Variants in MACROD2 observed in about 807,000 individuals in gnomAD.
MACROD2 encodes the protein mono-ADP ribosylhydrolase 2, also known as ADP-ribose glycohydrolase MACROD2.
A neutral mutation model predicts 70.4 loss-of-function variants in MACROD2; 36 were observed. The observed-to-expected ratio is 0.51, with a 90% CI of 0.39 to 0.68. The LOEUF (loss-of-function observed/expected upper bound fraction) is 0.68. Among genes scored for constraint, MACROD2 ranks in the 30% least tolerant of loss-of-function variants. MACROD2 has a pLI of 0.00. For synonymous variants in MACROD2, 172 were observed against 178.8 expected (o/e 0.96, Z 0.30); for missense variants, 496 against 538.4 (o/e 0.92, Z 0.78).
chr20:14,452,861 C>A (rs891512535), intron 3 of MACROD2, among the ~76,000 whole-genome samples: 2 of 152,096 alleles, frequency 1.3e-5, no homozygotes, highest in African/African-American at 4.8e-5. Flanking sequence ...TTTCTTGATG[C>A]ACATCTTACA....
At chr20:15,816,110 C>T (rs894579380) in intron 8 of MACROD2, among the ~76,000 whole-genome samples, 1 of 151,926 alleles carries the variant, frequency 6.6e-6, no homozygotes, top group African/African-American at 2.4e-5. Context: ...ACATATACAT[C>T]ACATATATGA....
intron 5 of MACROD2, among the ~76,000 whole-genome samples, chr20:14,759,035 G>A (rs2071980655): frequency 6.6e-6 from 1 of 151,852 alleles, no homozygotes; most frequent in Non-Finnish European, 1.5e-5. Flanking sequence ...ATTGTACCTT[G>A]CTTAATTATA....
chr20:15,721,576 A>T (rs2050787751), intron 8 of MACROD2, among the ~76,000 whole-genome samples: 2 of 152,176 alleles, frequency 1.3e-5, no homozygotes, highest in African/African-American at 4.8e-5. Context: ...TAACATTTTG[A>T]TTGATTTATT....
chr20:15,904,680 C>G (rs2065117084), intron 10 of MACROD2, among the ~76,000 whole-genome samples: 1 of 151,778 alleles, frequency 6.6e-6, no homozygotes, highest in South Asian at 2.1e-4. Flanking sequence ...ATCACGAGGT[C>G]AGGAGATCGA....
At chr20:15,923,420 C>T (rs972820286) in intron 10 of MACROD2, among the ~76,000 whole-genome samples, 6 of 152,160 alleles carry the variant, frequency 3.9e-5, no homozygotes, top group African/African-American at 1.4e-4. Flanking sequence ...ATTCAATTAC[C>T]TCCCTGGGTC....
intron 5 of MACROD2, among the ~76,000 whole-genome samples, chr20:15,102,611 A>G (rs918082833): frequency 1.3e-5 from 2 of 152,064 alleles, no homozygotes; most frequent in Non-Finnish European, 2.9e-5. Context: ...TTGTAAAACA[A>G]TATTTTCCAA....
At chr20:14,264,014 CACACACACACACAA>C (rs1225528419) in intron 3 of MACROD2, among the ~76,000 whole-genome samples, 3 of 123,718 alleles carry the variant, frequency 2.4e-5, no homozygotes, top group Admixed American at 2.4e-4. Flanking sequence ...CACACACACA[CACACACACACACAA>C]CACAAGTGAA....
chr20:14,332,465 A>T (rs2122617262), intron 3 of MACROD2, among the ~76,000 whole-genome samples: 1 of 152,250 alleles, frequency 6.6e-6, no homozygotes, highest in African/African-American at 2.4e-5. Flanking sequence ...TTTTGAGAAT[A>T]TTACTTAGAT....
At chr20:14,900,427 C>G (rs1445347143) in intron 5 of MACROD2, among the ~76,000 whole-genome samples, 1 of 152,040 alleles carries the variant, frequency 6.6e-6, no homozygotes, top group Non-Finnish European at 1.5e-5. Context: ...CCAGTAGAAA[C>G]CATTTAGGTC....
chr20:14,730,421 G>A (rs1019462625), intron 5 of MACROD2, among the ~76,000 whole-genome samples: 1 of 152,192 alleles, frequency 6.6e-6, no homozygotes, highest in African/African-American at 2.4e-5. Flanking sequence ...ACCAACAACC[G>A]TTATTAGACT....
chr20:14,014,911 C>T (rs533895945), intron 2 of MACROD2, among the ~76,000 whole-genome samples: 1 of 152,044 alleles, frequency 6.6e-6, no homozygotes, highest in Non-Finnish European at 1.5e-5. Flanking sequence ...ATCAATTCTC[C>T]TACCTCAGCC....
At chr20:14,795,198 A>G (rs2072496526) in intron 5 of MACROD2, among the ~76,000 whole-genome samples, 1 of 152,154 alleles carries the variant, frequency 6.6e-6, no homozygotes, top group Non-Finnish European at 1.5e-5. Flanking sequence ...CCAAAATGGG[A>G]AACCATGGAA....
intron 12 of MACROD2, among the ~76,000 whole-genome samples, chr20:15,951,352 A>ACACACACACAC (rs1414285468): frequency 4.6e-4 from 42 of 91,948 alleles, no homozygotes; most frequent in Admixed American, 1.5e-3. Context: ...CACACACACA[A>ACACACACACAC]AGAGAGAGAG....
intron 10 of MACROD2, among the ~76,000 whole-genome samples, chr20:15,912,609 A>C (rs1601117433): frequency 6.6e-6 from 1 of 152,184 alleles, no homozygotes; most frequent in East Asian, 1.9e-4. Flanking sequence ...ACAGGTTTGA[A>C]ACAGTCTAGC....
chr20:14,815,166 C>T (rs563297354), intron 5 of MACROD2, among the ~76,000 whole-genome samples: 2 of 151,982 alleles, frequency 1.3e-5, no homozygotes, highest in East Asian at 3.9e-4. Context: ...CAATAACATA[C>T]TTTAAATAAT....
At chr20:14,314,986 G>GCAAAAACT (rs2082600853) in intron 3 of MACROD2, among the ~76,000 whole-genome samples, 3 of 151,946 alleles carry the variant, frequency 2.0e-5, no homozygotes, top group Non-Finnish European at 4.4e-5. Flanking sequence ...AGCAAACCTA[G>GCAAAAACT]GTCTGTCTAA....
At chr20:15,219,918 T>C (rs184516184) in intron 5 of MACROD2, among the ~76,000 whole-genome samples, 15 of 137,856 alleles carry the variant, frequency 1.1e-4, no homozygotes, top group African/African-American at 3.9e-4. Flanking sequence ...ATGAGGGAAA[T>C]GACAGGTTTA....
chr20:15,138,743 CA>C lies in MACROD2; in HGVS notation c.419-91196del, dbSNP rs1312991245. On this transcript the variant is annotated intron_variant, in intron 5 of 17. Transcript: ENST00000684519. The stretch of plus-strand genomic sequence containing the variant: ...TTACTTGACATAATTTGCATAAAGT[CA>C]TATCTCAGTGATAAAAATTAATGTG... 3.3e-5 allele frequency among the ~76,000 whole-genome samples: 5 copies of C among 152,112 alleles called. 1 individual carries two copies. Among genetic ancestry groups the C allele is most frequent in the Non-Finnish European group, 7.4e-5 (5 of 68,024 alleles).
At chr20:15,326,872 AGAGC>A (rs2077935874) in intron 6 of MACROD2, among the ~76,000 whole-genome samples, 1 of 152,164 alleles carries the variant, frequency 6.6e-6, no homozygotes, top group African/African-American at 2.4e-5. Context: ...AAACTGGTGG[AGAGC>A]AAATCAGAAA....
Sources: allele counts gnomAD v4.1 joint callset (sites outside exome capture counted in the v4.1 genomes callset), GRCh38; gene constraint gnomAD v4.1.1; transcripts MANE v1.5; gene names NCBI Gene and HGNC (gene_info 2026-07-23, HGNC 2026-07-21).